VWA3A: variants seen among roughly 807,000 people sequenced by gnomAD.
The protein encoded by VWA3A is von Willebrand factor A domain-containing protein 3A.
A neutral mutation model predicts 160.4 loss-of-function variants in VWA3A; 134 were observed. The observed-to-expected ratio is 0.84, with a 90% confidence interval of 0.73 to 0.96. VWA3A has a LOEUF of 0.96. Among genes scored for constraint, VWA3A ranks in the 40% least tolerant of loss-of-function variants. The pLI, the probability that VWA3A is intolerant of heterozygous loss-of-function variation, is 0.00. For synonymous variants in VWA3A, 476 were observed against 543.4 expected, an observed-to-expected ratio of 0.88 and a Z score of 1.72; for missense variants, 1,310 against 1,447.9, an observed-to-expected ratio of 0.90 and a Z score of 1.55.
At chr16:22,141,473 T>A (rs1332303501) in intron 23 of VWA3A, 109 bp from the exon 24 acceptor site, 6 of 1,021,650 alleles carry the variant, frequency 5.9e-6, no homozygotes, top group Admixed American at 4.3e-5. Flanking sequence ...TGGAGCCCCA[T>A]TTCCTGGGGT....
rs1380125046 is a variant in VWA3A, at chr16:22,141,670, C to T, written c.2472C>T (p.Tyr824=). The T allele has an allele frequency of 3.1e-6, 5 of 1,610,542 alleles. No homozygotes were observed. In the East Asian group the frequency reaches 8.9e-5, roughly 29 times the overall value. Residue 824 remains tyrosine (Y), a synonymous_variant, in exon 24 of 34, where the codon TAC becomes TAT. Coordinates refer to ENST00000389398, the MANE Select transcript of VWA3A (RefSeq NM_173615.5). ...REAETSLLLF[Y]TEKGNDVGSV... Reference sequence around the variant, plus strand: ...CAGAGACATCTCTTTTACTGTTCTACACAGAGAAAGGGAATGACGTGGGTA... The same window carrying T: ...CAGAGACATCTCTTTTACTGTTCTATACAGAGAAAGGGAATGACGTGGGTA...
intron 31 of VWA3A, among the ~76,000 whole-genome samples, chr16:22,154,352 TGAA>T (rs1463105886): frequency 7.8e-6 from 1 of 127,874 alleles, no homozygotes; most frequent in Non-Finnish European, 1.6e-5. Flanking sequence ...TTTTTTGAGA[TGAA>T]GTCTTGCTGT....
chr16:22,128,516 G>A (rs2045891818), intron 17 of VWA3A, among the ~76,000 whole-genome samples: 1 of 152,222 alleles, frequency 6.6e-6, no homozygotes, highest in African/African-American at 2.4e-5. Context: ...GTGGAAAGCA[G>A]TGTGATGATT....
chr16:22,104,629 A>G (rs1255269168), intron 6 of VWA3A, among the ~76,000 whole-genome samples: 1 of 152,130 alleles, frequency 6.6e-6, no homozygotes. Flanking sequence ...GCAGTGAGCT[A>G]TGATTTTGCC....
chr16:22,126,204 C>T lies in VWA3A; in HGVS notation c.1559C>T (p.Ala520Val), dbSNP rs769351508. ...GTGGTTGTACTGCTCGATATCTCTG[C>T]GACCAATTCCATGTACATTATTCAT... Reference protein sequence around the residue: ...KRVVVLLDISATNSMYIIHIQ... With the variant: ...KRVVVLLDISVTNSMYIIHIQ... The change falls in exon 17 of 34, where the codon GCG becomes GTG. Residue 520 changes from alanine (A) to valine (V), a missense_variant. Physicochemically the swap from Ala to Val is moderately conservative, Grantham distance 64 (BLOSUM62 0). Coordinates refer to ENST00000389398, the MANE Select transcript of VWA3A (RefSeq NM_173615.5). The T allele has an allele frequency of 2.5e-6, 4 of 1,613,760 alleles. No homozygotes were observed. Among genetic ancestry groups the T allele is most frequent in the African/African-American group, 1.3e-5 (1 of 74,922 alleles).
chr16:22,139,291 G>A (rs1397256888), intron 22 of VWA3A, among the ~76,000 whole-genome samples: 1 of 152,170 alleles, frequency 6.6e-6, no homozygotes, highest in East Asian at 1.9e-4. Context: ...TGAGCCTTCA[G>A]TGCTTCCTGA....
chr16:22,141,470 C>T, intron 23 of VWA3A, 112 bp from the exon 24 acceptor site: 1 of 993,994 alleles, frequency 1.0e-6, no homozygotes, highest in Non-Finnish European at 1.5e-6. Flanking sequence ...TCTTGGAGCC[C>T]CATTTCCTGG....
Position 22,150,852 on chromosome 16 carries a change from C to T in VWA3A, c.3281+6C>T, listed in dbSNP as rs751067803. On this transcript the variant is annotated splice_donor_region_variant and intron_variant, in intron 30 of 33. Transcript: ENST00000389398. The stretch of plus-strand genomic sequence containing the variant: ...TCCTTGAACTGCTCAGACAGGTGCG[C>T]AATATGGAGTCTGACTGAGTTTTAT... The T allele has an allele frequency of 2.5e-6, 4 of 1,611,128 alleles. No individual in the cohort carries two copies. The highest frequency in any genetic ancestry group is 3.4e-6 in the Non-Finnish European group (4 of 1,178,650).
intron 23 of VWA3A, chr16:22,141,109 C>T (rs1314543838): frequency 4.5e-6 from 2 of 445,480 alleles, no homozygotes; most frequent in Non-Finnish European, 4.5e-6. Flanking sequence ...GGGTAAGGAT[C>T]ATGTGCCACT....
chr16:22,138,505 C>T lies in VWA3A; in HGVS notation c.2285C>T (p.Ala762Val), dbSNP rs768432538. 2 of 1,613,746 alleles carry T rather than the reference C, an allele frequency of 1.2e-6. No homozygotes were observed. Among genetic ancestry groups the T allele is most frequent in the East Asian group, 2.2e-5 (1 of 44,904 alleles). The change falls in exon 22 of 34, where the codon GCC becomes GTC. Residue 762 changes from alanine (A) to valine (V), a missense_variant. By Grantham distance (64) the Ala-to-Val change is moderately conservative. Transcript: ENST00000389398. Reference protein sequence around the residue: ...CPPRPTVPLGARMSIKDDPDR... With the variant: ...CPPRPTVPLGVRMSIKDDPDR... Reference sequence around the variant, plus strand: ...CCCAGGCCCACCGTCCCCCTGGGGGCCAGAATGGTTTGACTCCCCTCCTAA... The same window carrying T: ...CCCAGGCCCACCGTCCCCCTGGGGGTCAGAATGGTTTGACTCCCCTCCTAA...
chr16:22,100,138 C>A (rs2045384877), intron 3 of VWA3A, 56 bp from the exon 4 acceptor site: 1 of 1,484,824 alleles, frequency 6.7e-7, no homozygotes, highest in Non-Finnish European at 8.9e-7. Flanking sequence ...GTGAAGGGAA[C>A]CTCTTCCTTC....
intron 19 of VWA3A, 117 bp from the exon 20 acceptor site, chr16:22,132,783 G>A (rs2045971273): frequency 1.0e-6 from 1 of 955,358 alleles, no homozygotes. Flanking sequence ...CTTGTGCCAA[G>A]GACTGGACCA....
At chr16:22,127,153 G>A (rs2045864868) in intron 17 of VWA3A, among the ~76,000 whole-genome samples, 2 of 151,628 alleles carry the variant, frequency 1.3e-5, no homozygotes, top group African/African-American at 2.4e-5. Context: ...TTGAGATGGA[G>A]TCTCGCTCTG....
Position 22,110,959 on chromosome 16 carries a change from C to G in VWA3A, c.654C>G (p.Ser218=). The G allele has an allele frequency of 6.2e-7, 1 of 1,610,080 alleles. No individual in the cohort carries two copies. Among genetic ancestry groups the G allele is most frequent in the Non-Finnish European group, 8.5e-7 (1 of 1,178,364 alleles). The part of the protein sequence containing the change: ...FVLSFGTNAG[S]LWPDPMEVSA... ...TGTCCTTTGGCACCAATGCCGGGTC[C>G]CTCTGGCCAGACCCCATGGAAGTCA... The change falls in exon 8 of 34, where the codon TCC becomes TCG. Residue 218 remains serine (S), a synonymous_variant. Transcript: ENST00000389398.
rs796082403 is a variant in VWA3A, at chr16:22,117,764, T to A, written c.990+588T>A. ...CATCTGGTTGCTCCCAGGCTGTGTC[T>A]TGCCTACCATTAATAACCATGAGTA... is the stretch of plus-strand genomic sequence containing the variant. On this transcript the variant is annotated intron_variant, in intron 11 of 33. Transcript: ENST00000389398. Among the ~76,000 whole-genome samples the A allele has an allele frequency of 4.6e-5, 7 of 152,304 alleles. No homozygotes were observed. In the East Asian group the frequency reaches 1.3e-3, roughly 29 times the overall value.
At chr16:22,150,649 G>C in intron 29 of VWA3A, 46 bp from the exon 30 acceptor site, 1 of 1,561,888 alleles carries the variant, frequency 6.4e-7, no homozygotes, top group Admixed American at 1.9e-5. Flanking sequence ...TTGTGTTCTG[G>C]GTGAGCCTCT....
At chr16:22,111,077 C>A in intron 8 of VWA3A, 83 bp downstream of exon 8, 1 of 1,216,578 alleles carries the variant, frequency 8.2e-7, no homozygotes, top group South Asian at 1.5e-5. Context: ...AATAATTCAA[C>A]TGCAAACCCC....
chr16:22,094,984 A>C (rs989650926), intron 1 of VWA3A, among the ~76,000 whole-genome samples: 4 of 151,918 alleles, frequency 2.6e-5, no homozygotes, highest in Admixed American at 6.6e-5. Context: ...AAAAAAAAAA[A>C]ACCAAGGGAG....
intron 11 of VWA3A, 106 bp downstream of exon 11, chr16:22,117,282 CT>C: frequency 8.3e-7 from 1 of 1,203,954 alleles, no homozygotes; most frequent in Non-Finnish European, 1.2e-6. Flanking sequence ...CTTGTTTCTC[CT>C]TTTCTCCTTG....
Sources: allele counts gnomAD v4.1 joint callset (sites outside exome capture counted in the v4.1 genomes callset), GRCh38; gene constraint gnomAD v4.1.1; transcripts MANE v1.5; gene names NCBI Gene and HGNC (gene_info 2026-07-23, HGNC 2026-07-21).